The following PRDM16 variants were observed in gnomAD, a reference collection of about 807,000 sequenced individuals.
PRDM16 encodes the protein histone-lysine N-methyltransferase PRDM16.
PRDM16 carries 23 observed loss-of-function variants against 110.6 expected under a neutral mutation model. The observed-to-expected ratio is 0.21, with a 90% CI of 0.15 to 0.29. The LOEUF is 0.29. Among genes scored for constraint, PRDM16 ranks in the 10% least tolerant of loss-of-function variants. The probability of loss-of-function intolerance (pLI) is 1.00; values close to 1 mark genes in which losing one functional copy is unlikely to be tolerated. For missense variants in PRDM16, 1,615 were observed against 1,794.3 expected (o/e 0.90, Z 1.81); for synonymous variants, 799 against 781.8 (o/e 1.02, Z -0.37).
chr1:3,150,399 A>G (rs1643753445), intron 1 of PRDM16, among the ~76,000 whole-genome samples: 1 of 151,692 alleles, frequency 6.6e-6, no homozygotes. Context: ...CAAAAAAAAA[A>G]AAAAAAAAAA....
chr1:3,408,466 A>T (rs530944297), intron 8 of PRDM16, among the ~76,000 whole-genome samples: 1 of 152,388 alleles, frequency 6.6e-6, no homozygotes, highest in Non-Finnish European at 1.5e-5. Context: ...CTTTGCTTTA[A>T]TAAGTATGCA....
rs1640599709 is a variant in PRDM16, at chr1:3,276,940, G to A, written c.438+32803G>A. ...CCATCTTCTCCCCATCCCCCATCAC[G>A]ACCCCGGGCAGCGTCTGCCTCTCGT... is the stretch of plus-strand genomic sequence containing the variant. On this transcript the variant is annotated intron_variant, in intron 3 of 16. Coordinates refer to ENST00000270722, the MANE Select transcript of PRDM16 (RefSeq NM_022114.4). Among the ~76,000 whole-genome samples the A allele has an allele frequency of 1.3e-5, 2 of 151,970 alleles. 1 individual carries two copies. The highest frequency in any genetic ancestry group is 2.9e-5 in the Non-Finnish European group (2 of 68,010).
chr1:3,158,810 G>T (rs1643877512), intron 1 of PRDM16, among the ~76,000 whole-genome samples: 1 of 119,844 alleles, frequency 8.3e-6, no homozygotes. Context: ...GTCTTGTTCT[G>T]TTGCCCAGGC....
At chr1:3,158,434 A>G (rs1403271772) in intron 1 of PRDM16, among the ~76,000 whole-genome samples, 1 of 152,236 alleles carries the variant, frequency 6.6e-6, no homozygotes, top group Non-Finnish European at 1.5e-5. Flanking sequence ...TTAAAACAAA[A>G]TAAAAATCTA....
At chr1:3,375,492 A>T (rs1051948772) in intron 3 of PRDM16, among the ~76,000 whole-genome samples, 1 of 152,246 alleles carries the variant, frequency 6.6e-6, no homozygotes, top group Non-Finnish European at 1.5e-5. Flanking sequence ...CAGAGGTGCC[A>T]CGAAGGACGA....
intron 1 of PRDM16, among the ~76,000 whole-genome samples, chr1:3,168,731 G>A (rs1385202209): frequency 6.6e-6 from 1 of 152,224 alleles, no homozygotes; most frequent in African/African-American, 2.4e-5. Flanking sequence ...AGGGAATGAG[G>A]AGGGAGTGGG....
intron 12 of PRDM16, among the ~76,000 whole-genome samples, chr1:3,422,226 A>G (rs941092202): frequency 9.5e-5 from 14 of 147,816 alleles, no homozygotes; most frequent in Non-Finnish European, 1.9e-4. Context: ...AGGCAGACAG[A>G]CAGGCAGGGC....
chr1:3,394,459 A>G, intron 4 of PRDM16: 1 of 388,648 alleles, frequency 2.6e-6, no homozygotes, highest in Non-Finnish European at 4.9e-6. Context: ...GTCTCACGTC[A>G]GGACCCTCGA....
At chr1:3,314,051 C>T (rs984468633) in intron 3 of PRDM16, among the ~76,000 whole-genome samples, 16 of 149,198 alleles carry the variant, frequency 1.1e-4, no homozygotes, top group Non-Finnish European at 1.9e-4. Context: ...CCCTCGCCCC[C>T]GAATGCCGTC....
chr1:3,145,316 G>A (rs1456128209), intron 1 of PRDM16, among the ~76,000 whole-genome samples: 2 of 152,204 alleles, frequency 1.3e-5, no homozygotes, highest in Non-Finnish European at 2.9e-5. Context: ...ATGGGATACG[G>A]GGTGGCTCTT....
At chr1:3,270,534 C>T (rs1640422430) in intron 3 of PRDM16, among the ~76,000 whole-genome samples, 1 of 148,938 alleles carries the variant, frequency 6.7e-6, no homozygotes, top group African/African-American at 2.5e-5. Context: ...AGGCGGAAGA[C>T]AGTCCTGGAG....
chr1:3,314,077 G>GGGGGGGGGT (rs1641538930), intron 3 of PRDM16, among the ~76,000 whole-genome samples: 1 of 151,038 alleles, frequency 6.6e-6, no homozygotes, highest in African/African-American at 2.5e-5. Flanking sequence ...CCACCGGGGG[G>GGGGGGGGGT]GGGGGCGGGA....
At chr1:3,077,311 T>A (rs371304786) in intron 1 of PRDM16, among the ~76,000 whole-genome samples, 1 of 152,128 alleles carries the variant, frequency 6.6e-6, no homozygotes, top group East Asian at 1.9e-4. Flanking sequence ...CAACTCTGCA[T>A]CGTGTGTGTG....
chr1:3,230,953 A>T (rs1179498916), intron 2 of PRDM16, among the ~76,000 whole-genome samples: 3 of 152,024 alleles, frequency 2.0e-5, no homozygotes, highest in African/African-American at 4.8e-5. Context: ...GAAGCCTCCC[A>T]TTCCTGGAGA....
chr1:3,092,905 T>C (rs986554172), intron 1 of PRDM16, among the ~76,000 whole-genome samples: 6 of 152,166 alleles, frequency 3.9e-5, no homozygotes, highest in East Asian at 1.9e-4. Context: ...GACTTTGACA[T>C]AGACAGAAGT....
Position 3,157,634 on chromosome 1 carries a change from A to G in PRDM16, c.38-28491A>G, listed in dbSNP as rs560816444. Among the ~76,000 whole-genome samples the G allele has an allele frequency of 6.6e-6, 1 of 152,274 alleles. No individual in the cohort carries two copies. The highest frequency in any genetic ancestry group is 2.4e-5 in the African/African-American group (1 of 41,564). ...GGACCTGTCGGCTCTGTTCATGGAC[A>G]GTATGGTGGGGCCTGAACAGACTTC... On this transcript the variant is annotated intron_variant, in intron 1 of 16. Transcript: ENST00000270722. The surrounding 1 kb of genome is among the most constrained non-coding windows in gnomAD (Gnocchi z 4.8).
Position 3,206,563 on chromosome 1 carries a change from G to A in PRDM16, c.387+20089G>A, listed in dbSNP as rs551331234. The A allele has an allele frequency of 2.0e-5, 3 of 152,290 alleles. No individual in the cohort carries two copies. The highest frequency in any genetic ancestry group is 2.1e-4 in the South Asian group (1 of 4,806). The allele number at this position is 152,290 out of a possible 1,614,324, so 9.4% of individuals were successfully genotyped here. On this transcript the variant is annotated intron_variant, in intron 2 of 16. Transcript: ENST00000270722. The surrounding 1 kb of genome is among the most constrained non-coding windows in gnomAD (Gnocchi z 4.9). ...CCCTTCCTGAGTCTGCTCACCCTCC[G>A]GACACACACGCATGCCTTCCCACGC...
intron 1 of PRDM16, among the ~76,000 whole-genome samples, chr1:3,146,666 CAGTGTGGGGTGTGTGTGCACGTGTGTTT>C (rs1213753773): frequency 4.6e-5 from 5 of 108,766 alleles, no homozygotes; most frequent in Non-Finnish European, 9.1e-5. Context: ...CGTGTGTGCT[CAGTGTGGGGTGTGTGTGCACGTGTGTTT>C]GGTGTGGGGT....
At chr1:3,239,804 G>T (rs1304177146) in intron 2 of PRDM16, among the ~76,000 whole-genome samples, 1 of 151,874 alleles carries the variant, frequency 6.6e-6, no homozygotes, top group East Asian at 1.9e-4. Context: ...CAAAAAATTA[G>T]CCAGACATGG....
Sources: gnomAD v4.1 joint callset for allele counts (sites outside exome capture counted in the v4.1 genomes callset) on GRCh38, gnomAD v4.1.1 for gene constraint, Gnocchi (gnomAD v3.1) non-coding constraint, MANE v1.5 for transcripts, NCBI Gene and HGNC (gene_info 2026-07-23, HGNC 2026-07-21) for gene names.